Variants in UMAD1 observed in about 807,000 individuals in gnomAD.
The protein encoded by UMAD1 is UBAP1-MVB12-associated (UMA)-domain containing protein 1.
UMAD1 carries 8 observed loss-of-function variants against 6.1 expected under a neutral mutation model. The observed-to-expected ratio is 1.30, with a 90% CI of 0.76 to 2.35. UMAD1 has a LOEUF of 2.35. Among genes scored for constraint, UMAD1 ranks in the 30% most tolerant of loss-of-function variants. The pLI, the probability that UMAD1 is intolerant of heterozygous loss-of-function variation, is 0.00. For missense variants in UMAD1, 130 were observed against 78.4 expected (o/e 1.66, Z -2.49); for synonymous variants, 56 against 31.4 (o/e 1.78, Z -2.61).
chr7:7,769,797 TA>T (rs1213510232), intron 2 of UMAD1, among the ~76,000 whole-genome samples: 1 of 152,206 alleles, frequency 6.6e-6, no homozygotes, highest in African/African-American at 2.4e-5. Context: ...GAAGAGGGAC[TA>T]AATTGCACTG....
intron 3 of UMAD1, among the ~76,000 whole-genome samples, chr7:7,873,198 C>T (rs1784361439): frequency 6.6e-6 from 1 of 152,168 alleles, no homozygotes; most frequent in South Asian, 2.1e-4. Flanking sequence ...AGGCCATTTG[C>T]TTATTAATAA....
intron 1 of UMAD1, among the ~76,000 whole-genome samples, chr7:7,663,116 T>A (rs34972393): frequency 0.18 from 27,128 of 151,512 alleles, 2,630 homozygotes; most frequent in Middle Eastern, 0.23. Context: ...CCATGTATAA[T>A]GCTCTCAATC....
intron 3 of UMAD1, among the ~76,000 whole-genome samples, chr7:7,844,048 G>A (rs369188532): frequency 1.3e-5 from 2 of 152,190 alleles, no homozygotes; most frequent in African/African-American, 2.4e-5. Context: ...ATGCTTTTGC[G>A]TAATGCCTGA....
At chr7:7,677,747 CA>C in intron 2 of UMAD1, among the ~76,000 whole-genome samples, 1 of 144,112 alleles carries the variant, frequency 6.9e-6, no homozygotes, top group Non-Finnish European at 1.5e-5. Flanking sequence ...GATCTCGGCT[CA>C]CTGCAAGCTC....
intron 2 of UMAD1, among the ~76,000 whole-genome samples, chr7:7,800,203 A>G (rs1015815516): frequency 2.6e-5 from 4 of 152,198 alleles, no homozygotes; most frequent in African/African-American, 2.4e-5. Flanking sequence ...TTTACCATCA[A>G]CTACAAAGAG....
At chr7:7,661,074 C>G (rs1418456677) in intron 1 of UMAD1, among the ~76,000 whole-genome samples, 1 of 151,748 alleles carries the variant, frequency 6.6e-6, no homozygotes, top group Non-Finnish European at 1.5e-5. Context: ...GATCTTTAAT[C>G]TCTGATATCC....
chr7:7,673,366 GCA>G lies in UMAD1; in HGVS notation c.-5_-4del, dbSNP rs1491450634. The G allele has an allele frequency of 6.7e-5, 72 of 1,080,588 alleles. No homozygotes were observed. The African/African-American group carries it at 1.1e-3, about 17-fold the overall frequency. The allele number at this position is 1,080,588 out of a possible 1,614,324, so 66.9% of individuals were successfully genotyped here. Reference sequence around the variant, plus strand: ...AGCAGCAGCAGCAGCAGCAGCAGCAGCAGCAATGTTTCACTTCTTCAGAAAGC... The same window carrying G: ...AGCAGCAGCAGCAGCAGCAGCAGCAGGCAATGTTTCACTTCTTCAGAAAGC... On this transcript the variant is annotated 5_prime_UTR_variant, in exon 2 of 4. Transcript: ENST00000682710.
At chr7:7,731,582 A>AG (rs1781257122) in intron 2 of UMAD1, among the ~76,000 whole-genome samples, 1 of 151,790 alleles carries the variant, frequency 6.6e-6, no homozygotes, top group South Asian at 2.1e-4. Flanking sequence ...AAAGACTCAT[A>AG]GGCATTTAAG....
chr7:7,764,118 G>A (rs979169989), intron 2 of UMAD1, among the ~76,000 whole-genome samples: 2 of 152,164 alleles, frequency 1.3e-5, no homozygotes, highest in Non-Finnish European at 2.9e-5. Flanking sequence ...AGGGAGTCAG[G>A]TGCTATCAGA....
At chr7:7,684,759 C>A (rs558391148) in intron 2 of UMAD1, among the ~76,000 whole-genome samples, 1 of 152,284 alleles carries the variant, frequency 6.6e-6, no homozygotes, top group South Asian at 2.1e-4. Flanking sequence ...AGATTAACAC[C>A]CGTAAACTTT....
intron 1 of UMAD1, among the ~76,000 whole-genome samples, chr7:7,672,152 G>A (rs28915991): frequency 2.5e-4 from 38 of 152,140 alleles, no homozygotes; most frequent in Middle Eastern, 3.2e-3. Context: ...TGAAATATAT[G>A]AAAACTAAAA....
At chr7:7,731,942 A>C (rs1250072114) in intron 2 of UMAD1, among the ~76,000 whole-genome samples, 1 of 152,102 alleles carries the variant, frequency 6.6e-6, no homozygotes, top group Non-Finnish European at 1.5e-5. Flanking sequence ...GCTATGATTC[A>C]TTTTCCTTAT....
rs116484547 is a variant in UMAD1, at chr7:7,667,380, T to C, written c.-63-5929T>C. ...GGCGGAAGTCCAGCTGTCAAGGCCATGCATATCAGAAGCAAGAGTGCTTAG... is the reference window on the plus strand; with the variant it reads ...GGCGGAAGTCCAGCTGTCAAGGCCACGCATATCAGAAGCAAGAGTGCTTAG... On this transcript the variant is annotated intron_variant, in intron 1 of 3. Transcript: ENST00000682710. Among the ~76,000 whole-genome samples, 787 of 152,296 alleles carry C rather than the reference T, an allele frequency of 5.2e-3. 8 individuals are homozygous for C. The highest frequency in any genetic ancestry group is 0.018 in the African/African-American group (759 of 41,552).
chr7:7,730,676 T>C (rs1781230469), intron 2 of UMAD1, among the ~76,000 whole-genome samples: 1 of 152,152 alleles, frequency 6.6e-6, no homozygotes, highest in African/African-American at 2.4e-5. Flanking sequence ...AGGCATGTAC[T>C]AATAAGCATG....
chr7:7,795,593 A>G (rs1782660144), intron 2 of UMAD1, among the ~76,000 whole-genome samples: 1 of 152,176 alleles, frequency 6.6e-6, no homozygotes, highest in Non-Finnish European at 1.5e-5. Flanking sequence ...CTGGTTGGCT[A>G]TTTTTATGGT....
chr7:7,744,549 A>C (rs1781532716), intron 2 of UMAD1, among the ~76,000 whole-genome samples: 1 of 151,500 alleles, frequency 6.6e-6, no homozygotes, highest in Non-Finnish European at 1.5e-5. Context: ...AGCTGTGTAC[A>C]AGGGTTCTCA....
chr7:7,864,422 G>A (rs1304344608), intron 3 of UMAD1, among the ~76,000 whole-genome samples: 1 of 151,846 alleles, frequency 6.6e-6, no homozygotes, highest in East Asian at 1.9e-4. Context: ...GGGTGTGAGG[G>A]GGTACCCAGA....
chr7:7,841,720 A>G (rs1369311901), intron 3 of UMAD1, among the ~76,000 whole-genome samples: 1 of 152,250 alleles, frequency 6.6e-6, no homozygotes, highest in Non-Finnish European at 1.5e-5. Flanking sequence ...TCAAAGAAAG[A>G]ATTCGAAAAT....
chr7:7,830,737 T>A lies in UMAD1; in HGVS notation c.156+28994T>A, dbSNP rs1783447615. On this transcript the variant is annotated intron_variant, in intron 3 of 3. Transcript: ENST00000682710. This position sits in a 1 kb window ranked among gnomAD's most constrained non-coding sequence, Gnocchi z 5.3. ...AGAAGAGATACAGTAGGGTTTTGAG[T>A]CAATATAAATAAACACATAGACTAA... Among the ~76,000 whole-genome samples, 1 of 152,124 alleles carries A rather than the reference T, an allele frequency of 6.6e-6. No individual in the cohort carries two copies. Among genetic ancestry groups the A allele is most frequent in the Non-Finnish European group, 1.5e-5 (1 of 67,994 alleles).
Sources: gnomAD v4.1 joint callset for allele counts (sites outside exome capture counted in the v4.1 genomes callset) on GRCh38, gnomAD v4.1.1 for gene constraint, Gnocchi (gnomAD v3.1) non-coding constraint, MANE v1.5 for transcripts, NCBI Gene and HGNC (gene_info 2026-07-23, HGNC 2026-07-21) for gene names.